SUSD4: variants seen among roughly 807,000 people sequenced by gnomAD.
SUSD4 encodes the protein sushi domain-containing protein 4.
In SUSD4, 41 loss-of-function variants were observed where a neutral mutation model predicts 50.5. That is an observed-to-expected ratio of 0.81 (90% CI 0.63 to 1.05). The LOEUF (loss-of-function observed/expected upper bound fraction) is 1.05. Among genes scored for constraint, SUSD4 ranks in the 50% least tolerant of loss-of-function variants. The probability of loss-of-function intolerance (pLI) is 0.00; values close to 1 mark genes in which losing one functional copy is unlikely to be tolerated. For missense variants in SUSD4, 580 were observed against 634.7 expected (o/e 0.91, Z 0.93); for synonymous variants, 257 against 257.3 (o/e 1.00, Z 0.01).
At chr1:223,300,204 G>C (rs868825849) in intron 2 of SUSD4, among the ~76,000 whole-genome samples, 1 of 152,136 alleles carries the variant, frequency 6.6e-6, no homozygotes. Flanking sequence ...TGGCATCACC[G>C]TCACTGGCAC....
chr1:223,264,718 G>C lies in SUSD4; in HGVS notation c.636C>G (p.Pro212=). The change falls in exon 5 of 9, where the codon CCC becomes CCG. Residue 212 remains proline, a synonymous_variant. Coordinates refer to ENST00000366878, the MANE Select transcript of SUSD4 (RefSeq NM_017982.4). ...VGTVISYRCF[P]GFKLDGSAYL... ...ACGCAGACCCATCAAGTTTAAATCC[G>C]GGAAAGCAGCGATAGGAGATCACAG... 1 of 1,614,194 alleles carries C rather than the reference G, an allele frequency of 6.2e-7. No homozygotes were observed. The highest frequency in any genetic ancestry group is 2.2e-5 in the East Asian group (1 of 44,882).
intron 3 of SUSD4, among the ~76,000 whole-genome samples, chr1:223,279,512 A>G (rs191524182): frequency 6.6e-6 from 1 of 152,352 alleles, no homozygotes; most frequent in East Asian, 1.9e-4. Context: ...TGAGAAGAGA[A>G]GTTTAGAAAA....
At chr1:223,253,472 A>C (rs1259174136) in intron 5 of SUSD4, among the ~76,000 whole-genome samples, 1 of 152,176 alleles carries the variant, frequency 6.6e-6, no homozygotes, top group Non-Finnish European at 1.5e-5. Context: ...CCAAATGTCT[A>C]ATTAATTTGG....
At chr1:223,223,952 C>T (rs144513023) in intron 7 of SUSD4, among the ~76,000 whole-genome samples, 6 of 152,342 alleles carry the variant, frequency 3.9e-5, no homozygotes, top group African/African-American at 1.4e-4. Flanking sequence ...TGGCCATAAG[C>T]TCATGGAGCA....
intron 2 of SUSD4, among the ~76,000 whole-genome samples, chr1:223,294,059 A>G (rs1271059978): frequency 4.6e-5 from 7 of 152,206 alleles, no homozygotes; most frequent in African/African-American, 7.2e-5. Context: ...AAAGGGAACA[A>G]TGCAAACTCC....
chr1:223,224,101 C>T (rs1019832714), intron 7 of SUSD4, among the ~76,000 whole-genome samples: 2 of 152,214 alleles, frequency 1.3e-5, no homozygotes, highest in African/African-American at 4.8e-5. Flanking sequence ...GCAATCCCAG[C>T]ACTTTGGGAG....
chr1:223,249,763 C>T (rs1043350770), intron 5 of SUSD4, among the ~76,000 whole-genome samples: 1 of 152,102 alleles, frequency 6.6e-6, no homozygotes, highest in Non-Finnish European at 1.5e-5. Context: ...TCTTAGTGTT[C>T]TGCAAAAAAC....
intron 3 of SUSD4, among the ~76,000 whole-genome samples, chr1:223,274,430 G>C (rs766445207): frequency 6.6e-6 from 1 of 152,146 alleles, no homozygotes; most frequent in South Asian, 2.1e-4. Context: ...ATATTTAAAG[G>C]ACACTGACTC....
At chr1:223,335,727 G>A (rs907747949) in intron 2 of SUSD4, among the ~76,000 whole-genome samples, 22 of 152,164 alleles carry the variant, frequency 1.4e-4, no homozygotes, top group African/African-American at 5.3e-4. Flanking sequence ...AGAAAACAGA[G>A]AATCTAACAC....
At chr1:223,288,996 T>C (rs1049040990) in intron 3 of SUSD4, 1 of 692,156 alleles carries the variant, frequency 1.4e-6, no homozygotes, top group South Asian at 6.5e-5. Flanking sequence ...TGTCTTTTCT[T>C]ATGAAATGTA....
rs145977262 is a variant in SUSD4 at position 223,354,771 on chromosome 1, A to C, written c.148+8507T>G. ...ACTCTAAACCTATTAAATTTTTACA[A>C]AACAAGCAGATCCTATTGTTTCTTG... On this transcript the variant is annotated intron_variant, in intron 2 of 8. Coordinates refer to ENST00000366878, the MANE Select transcript of SUSD4 (RefSeq NM_017982.4). Among the ~76,000 whole-genome samples, 204 of 152,310 alleles carry C rather than the reference A, an allele frequency of 1.3e-3. 1 individual carries two copies. The highest frequency in any genetic ancestry group is 4.7e-3 in the African/African-American group (196 of 41,570).
chr1:223,255,667 G>A (rs1661636217), intron 5 of SUSD4, among the ~76,000 whole-genome samples: 1 of 152,158 alleles, frequency 6.6e-6, no homozygotes, highest in African/African-American at 2.4e-5. Flanking sequence ...AGGAGGCGAG[G>A]GAAGGGCAGA....
chr1:223,252,219 T>TAAAAAA (rs68004270), intron 5 of SUSD4, among the ~76,000 whole-genome samples: 1 of 129,082 alleles, frequency 7.7e-6, no homozygotes. Flanking sequence ...AAAGTATAAT[T>TAAAAAA]AAAAAAAAAA....
chr1:223,316,923 G>A (rs1280587800), intron 2 of SUSD4, among the ~76,000 whole-genome samples: 1 of 152,132 alleles, frequency 6.6e-6, no homozygotes, highest in Non-Finnish European at 1.5e-5. Flanking sequence ...GAGAGGAGGG[G>A]GGCCTTGGAG....
chr1:223,298,203 G>C (rs1423319480), intron 2 of SUSD4, among the ~76,000 whole-genome samples: 1 of 152,014 alleles, frequency 6.6e-6, no homozygotes, highest in Non-Finnish European at 1.5e-5. Context: ...TGGATGGATG[G>C]AGCCTCATGC....
intron 2 of SUSD4, among the ~76,000 whole-genome samples, chr1:223,344,490 T>C (rs1004980936): frequency 2.6e-5 from 4 of 152,176 alleles, no homozygotes; most frequent in Non-Finnish European, 4.4e-5. Flanking sequence ...TGCTTATTTG[T>C]AGCTAAGGGA....
At chr1:223,236,286 C>G (rs1660215109) in intron 5 of SUSD4, among the ~76,000 whole-genome samples, 1 of 152,156 alleles carries the variant, frequency 6.6e-6, no homozygotes, top group African/African-American at 2.4e-5. Flanking sequence ...ATATTTTCTA[C>G]AAGTGTGTGG....
intron 2 of SUSD4, among the ~76,000 whole-genome samples, chr1:223,323,123 T>C (rs1666677360): frequency 6.6e-6 from 1 of 151,632 alleles, no homozygotes; most frequent in South Asian, 2.1e-4. Flanking sequence ...CTGCTCCTCC[T>C]CTCTTAGGGG....
intron 5 of SUSD4, among the ~76,000 whole-genome samples, chr1:223,244,131 G>A (rs1456112167): frequency 6.6e-6 from 1 of 152,224 alleles, no homozygotes; most frequent in Non-Finnish European, 1.5e-5. Context: ...CAGGAGTTGG[G>A]ATGGAGCTCT....
Sources: gnomAD v4.1 joint callset for allele counts (sites outside exome capture counted in the v4.1 genomes callset) on GRCh38, gnomAD v4.1.1 for gene constraint, MANE v1.5 for transcripts, NCBI Gene and HGNC (gene_info 2026-07-23, HGNC 2026-07-21) for gene names.